SCHIP1: variants seen among roughly 807,000 people sequenced by gnomAD.
SCHIP1 encodes the protein schwannomin interacting protein 1, also known as schwannomin-interacting protein 1.
Under a neutral mutation model 29.7 loss-of-function variants are expected in SCHIP1, and 8 were observed. The ratio of observed to expected loss-of-function variants is 0.27; its 90% CI spans 0.16 to 0.49. The LOEUF is 0.49. Among genes scored for constraint, SCHIP1 ranks in the 20% least tolerant of loss-of-function variants. The pLI, the probability that SCHIP1 is intolerant of heterozygous loss-of-function variation, is 0.99. For missense variants in SCHIP1, 193 were observed against 294.6 expected (o/e 0.66, Z 2.52); for synonymous variants, 76 against 94.9 (o/e 0.80, Z 1.16).
At chr3:159,507,714 A>T in the SCHIP1 span, among the ~76,000 whole-genome samples, 1 of 152,152 alleles carries the variant, frequency 6.6e-6, no homozygotes, top group Non-Finnish European at 1.5e-5. Flanking sequence ...TTCTGCATCT[A>T]TTGAGATAAT....
chr3:159,820,701 C>A, the SCHIP1 span, among the ~76,000 whole-genome samples: 1 of 152,046 alleles, frequency 6.6e-6, no homozygotes, highest in Non-Finnish European at 1.5e-5. Context: ...CTTTAAGATA[C>A]TTGTTAAATA....
chr3:159,432,302 G>A, the SCHIP1 span, among the ~76,000 whole-genome samples: 156 of 90,304 alleles, frequency 1.7e-3, no homozygotes, highest in African/African-American at 5.8e-3. Context: ...GTGTGTGTGT[G>A]TGTGTGTGTG....
chr3:159,562,799 G>T, the SCHIP1 span, among the ~76,000 whole-genome samples: 1 of 152,122 alleles, frequency 6.6e-6, no homozygotes, highest in South Asian at 2.1e-4. Flanking sequence ...AATGAACTGG[G>T]TGCCACAATT....
At chr3:159,296,977 G>C in the SCHIP1 span, among the ~76,000 whole-genome samples, 6 of 151,896 alleles carry the variant, frequency 4.0e-5, no homozygotes, top group Non-Finnish European at 8.8e-5. Flanking sequence ...ACTTCTATGG[G>C]TTTGATTTTT....
the SCHIP1 span, among the ~76,000 whole-genome samples, chr3:159,487,968 C>T: frequency 1.3e-5 from 2 of 152,168 alleles, no homozygotes; most frequent in Non-Finnish European, 2.9e-5. Context: ...CAAATTAACT[C>T]TAGAAAATTC....
chr3:159,560,216 G>A, the SCHIP1 span, among the ~76,000 whole-genome samples: 1 of 152,126 alleles, frequency 6.6e-6, no homozygotes, highest in Non-Finnish European at 1.5e-5. Context: ...TAGAAAAAAT[G>A]TAAATACGAT....
the SCHIP1 span, among the ~76,000 whole-genome samples, chr3:159,363,543 A>C: frequency 2.6e-5 from 4 of 152,178 alleles, no homozygotes; most frequent in African/African-American, 9.7e-5. Context: ...ACAGATAGAC[A>C]TCTGTGCAAG....
the SCHIP1 span, among the ~76,000 whole-genome samples, chr3:159,363,189 T>G: frequency 2.6e-5 from 4 of 152,288 alleles, no homozygotes; most frequent in Non-Finnish European, 5.9e-5. Context: ...AATAGAATTG[T>G]TAATTAAAAA....
intron 2 of SCHIP1, among the ~76,000 whole-genome samples, chr3:159,882,792 G>T (rs1716574367): frequency 6.6e-6 from 1 of 152,158 alleles, no homozygotes; most frequent in African/African-American, 2.4e-5. Context: ...GTAGTTGGAA[G>T]TCAGCACCAG....
chr3:159,610,737 TA>T, the SCHIP1 span, among the ~76,000 whole-genome samples: 1 of 152,038 alleles, frequency 6.6e-6, no homozygotes, highest in Non-Finnish European at 1.5e-5. Context: ...AGAATGGTAT[TA>T]AAAAATCTCT....
chr3:159,855,088 A>C (rs917727588), intron 1 of SCHIP1, among the ~76,000 whole-genome samples: 1 of 152,256 alleles, frequency 6.6e-6, no homozygotes, highest in Non-Finnish European at 1.5e-5. Flanking sequence ...AAAAAACTGC[A>C]AGATGAAACT....
At chr3:159,409,232 C>A in the SCHIP1 span, among the ~76,000 whole-genome samples, 60 of 152,036 alleles carry the variant, frequency 3.9e-4, no homozygotes, top group African/African-American at 1.4e-3. Context: ...TGGAACATGA[C>A]AAGGATACCC....
At chr3:159,848,922 G>T (rs1360196847) in intron 1 of SCHIP1, among the ~76,000 whole-genome samples, 4 of 152,112 alleles carry the variant, frequency 2.6e-5, no homozygotes. Flanking sequence ...GCTTATCTAC[G>T]TGCTGAGCTT....
At chr3:159,460,934 T>C in the SCHIP1 span, among the ~76,000 whole-genome samples, 3 of 152,186 alleles carry the variant, frequency 2.0e-5, no homozygotes, top group African/African-American at 7.2e-5. Context: ...AGGATGTTAT[T>C]CTATGGAGGG....
the SCHIP1 span, among the ~76,000 whole-genome samples, chr3:159,776,332 C>CTTTTT: frequency 8.1e-5 from 11 of 135,418 alleles, no homozygotes; most frequent in African/African-American, 2.6e-4. Context: ...AGTGTTCTGT[C>CTTTTT]TTTTTTTTTT....
chr3:159,461,946 A>G, the SCHIP1 span, among the ~76,000 whole-genome samples: 8 of 152,182 alleles, frequency 5.3e-5, no homozygotes, highest in Non-Finnish European at 1.0e-4. Flanking sequence ...ATGATGGCTC[A>G]TGCCTGTAAT....
chr3:159,326,899 A>G, the SCHIP1 span, among the ~76,000 whole-genome samples: 1 of 152,220 alleles, frequency 6.6e-6, no homozygotes, highest in African/African-American at 2.4e-5. Context: ...AGATAGAATT[A>G]TCCTGTTCCA....
chr3:159,380,743 A>G, the SCHIP1 span, among the ~76,000 whole-genome samples: 20 of 152,286 alleles, frequency 1.3e-4, no homozygotes, highest in African/African-American at 4.6e-4. Context: ...ATGAAGAAAA[A>G]GAATGAGGCC....
In SCHIP1 at chr3:159,847,213, T is replaced by C. The variant is rs564676731; in HGVS notation, c.30+6999T>C. 2.0e-5 allele frequency among the ~76,000 whole-genome samples: 3 copies of C among 152,326 alleles called. No individual in the cohort carries two copies. In the East Asian group the frequency reaches 5.8e-4, roughly 29 times the overall value. On this transcript the variant is annotated intron_variant, in intron 1 of 6. Coordinates refer to ENST00000445224, the Ensembl canonical transcript of SCHIP1. ...GGAAAATATCACATTGCATTGATGC[T>C]TGCTTGAAAGTAGAGACACCCTATT...
Sources: allele counts gnomAD v4.1 joint callset (sites outside exome capture counted in the v4.1 genomes callset), GRCh38; gene constraint gnomAD v4.1.1; transcripts MANE v1.5; gene names NCBI Gene and HGNC (gene_info 2026-07-23, HGNC 2026-07-21).